CNTNAP2: variants seen among roughly 807,000 people sequenced by gnomAD.
CNTNAP2 encodes contactin associated protein 2.
A neutral mutation model predicts 155.2 loss-of-function variants in CNTNAP2; 98 were observed. The ratio of observed to expected loss-of-function variants is 0.63; its 90% CI spans 0.54 to 0.75. The LOEUF is 0.75. CNTNAP2 is among the 30% of genes least tolerant of loss of function. The probability of loss-of-function intolerance (pLI) is 0.00; values close to 1 mark genes in which losing one functional copy is unlikely to be tolerated. For synonymous variants in CNTNAP2, 651 were observed against 631.2 expected, an observed-to-expected ratio of 1.03 and a Z score of -0.47; for missense variants, 1,727 against 1,688.1, an observed-to-expected ratio of 1.02 and a Z score of -0.40.
At chr7:146,597,562 C>A (rs1291271058) in intron 1 of CNTNAP2, among the ~76,000 whole-genome samples, 3 of 151,980 alleles carry the variant, frequency 2.0e-5, no homozygotes, top group African/African-American at 7.2e-5. Context: ...ACATAATACT[C>A]ATGCACTGTT....
intron 3 of CNTNAP2, among the ~76,000 whole-genome samples, chr7:146,936,334 A>G (rs1211024688): frequency 6.6e-6 from 1 of 152,162 alleles, no homozygotes; most frequent in Non-Finnish European, 1.5e-5. Flanking sequence ...CCTAGAACAG[A>G]CGAGGTTTTG....
Position 147,311,859 on chromosome 7 carries a change from T to C in CNTNAP2, c.1498+11569T>C, listed in dbSNP as rs534229718. Among the ~76,000 whole-genome samples, 3 of 152,262 alleles carry C rather than the reference T, an allele frequency of 2.0e-5. No homozygotes were observed. In the South Asian group the frequency reaches 6.2e-4, roughly 32 times the overall value. ...CTTATATGTACAGAAACAAACAGAA[T>C]GGGATCCCGTGCCTATAACTGTGAT... is the stretch of plus-strand genomic sequence containing the variant. On this transcript the variant is annotated intron_variant, in intron 9 of 23. Transcript: ENST00000361727.
At chr7:148,240,809 A>C (rs957152738) in intron 20 of CNTNAP2, among the ~76,000 whole-genome samples, 1 of 150,670 alleles carries the variant, frequency 6.6e-6, no homozygotes, top group African/African-American at 2.4e-5. Context: ...AGAGTACCAA[A>C]GCTGACGAAT....
At chr7:146,974,410 C>G (rs933500370) in intron 3 of CNTNAP2, among the ~76,000 whole-genome samples, 1 of 151,180 alleles carries the variant, frequency 6.6e-6, no homozygotes, top group Non-Finnish European at 1.5e-5. Context: ...TGCACTCCAG[C>G]CTGGGCGACA....
At chr7:148,027,945 T>C (rs1469647662) in intron 15 of CNTNAP2, among the ~76,000 whole-genome samples, 3 of 152,150 alleles carry the variant, frequency 2.0e-5, no homozygotes, top group Admixed American at 2.0e-4. Flanking sequence ...TCACCTTCCA[T>C]TCTCTCCCAA....
chr7:148,353,982 T>A (rs1237378911), intron 21 of CNTNAP2, among the ~76,000 whole-genome samples: 1 of 152,198 alleles, frequency 6.6e-6, no homozygotes, highest in African/African-American at 2.4e-5. Context: ...CATCGAACGT[T>A]TCCTATACTG....
intron 9 of CNTNAP2, among the ~76,000 whole-genome samples, chr7:147,307,265 G>C (rs1795047338): frequency 6.6e-6 from 1 of 152,206 alleles, no homozygotes; most frequent in Admixed American, 6.5e-5. Flanking sequence ...CAAGTCAGCT[G>C]TCTTATATCT....
At chr7:148,269,180 C>T (rs1796729788) in intron 21 of CNTNAP2, among the ~76,000 whole-genome samples, 1 of 152,100 alleles carries the variant, frequency 6.6e-6, no homozygotes, top group African/African-American at 2.4e-5. Context: ...TGGGGAGTGG[C>T]AAGTGATAAA....
intron 17 of CNTNAP2, among the ~76,000 whole-genome samples, chr7:148,157,814 C>T (rs1249045267): frequency 6.6e-6 from 1 of 152,040 alleles, no homozygotes; most frequent in Non-Finnish European, 1.5e-5. Flanking sequence ...AAACCATTGC[C>T]ATACATTAAA....
At chr7:148,073,908 G>C (rs962067389) in intron 15 of CNTNAP2, among the ~76,000 whole-genome samples, 7 of 152,024 alleles carry the variant, frequency 4.6e-5, no homozygotes, top group African/African-American at 1.7e-4. Context: ...CATCTGGGAG[G>C]GTTCTGGATG....
At chr7:147,335,309 G>T (rs1449759974) in intron 9 of CNTNAP2, among the ~76,000 whole-genome samples, 3 of 152,018 alleles carry the variant, frequency 2.0e-5, no homozygotes. Context: ...AACTTTATTT[G>T]GTTTCTGTTT....
At chr7:146,515,294 A>G (rs1584959188) in intron 1 of CNTNAP2, among the ~76,000 whole-genome samples, 1 of 152,076 alleles carries the variant, frequency 6.6e-6, no homozygotes, top group Non-Finnish European at 1.5e-5. Context: ...ATCCAAGATA[A>G]TAGAGAAGCT....
chr7:148,007,111 T>C (rs1801996516), intron 15 of CNTNAP2, among the ~76,000 whole-genome samples: 1 of 152,254 alleles, frequency 6.6e-6, no homozygotes, highest in South Asian at 2.1e-4. Context: ...CCACATGCAG[T>C]ACATGTGCTT....
At chr7:147,380,668 T>C (rs548961127) in intron 9 of CNTNAP2, among the ~76,000 whole-genome samples, 1 of 152,248 alleles carries the variant, frequency 6.6e-6, no homozygotes, top group South Asian at 2.1e-4. Flanking sequence ...ACTCCTGAGA[T>C]AGAGCCTCAC....
chr7:146,207,633 C>CCA (rs1312602220), intron 1 of CNTNAP2, among the ~76,000 whole-genome samples: 19 of 118,998 alleles, frequency 1.6e-4, no homozygotes, highest in African/African-American at 2.5e-4. Flanking sequence ...CAGAACAGGA[C>CCA]TGTGTTTTTT....
At chr7:146,289,218 C>T (rs1800390017) in intron 1 of CNTNAP2, among the ~76,000 whole-genome samples, 1 of 152,110 alleles carries the variant, frequency 6.6e-6, no homozygotes. Context: ...TAGTTTCTCT[C>T]CTCTCCTTAC....
chr7:147,438,063 A>G (rs2116541936), intron 10 of CNTNAP2, among the ~76,000 whole-genome samples: 1 of 152,248 alleles, frequency 6.6e-6, no homozygotes, highest in East Asian at 1.9e-4. Context: ...GAAAACAAGG[A>G]TAATTTGACT....
chr7:147,303,157 G>A (rs1349420063), intron 9 of CNTNAP2, among the ~76,000 whole-genome samples: 1 of 152,192 alleles, frequency 6.6e-6, no homozygotes, highest in East Asian at 1.9e-4. Context: ...ACAAGGCTGG[G>A]TGTGTCTCTA....
At chr7:146,864,951 T>A (rs943448748) in intron 3 of CNTNAP2, among the ~76,000 whole-genome samples, 1 of 136,452 alleles carries the variant, frequency 7.3e-6, no homozygotes, top group African/African-American at 2.9e-5. Flanking sequence ...TGAGGTATGA[T>A]CTTACCACCA....
Sources: gnomAD v4.1 joint callset for allele counts (sites outside exome capture counted in the v4.1 genomes callset) on GRCh38, gnomAD v4.1.1 for gene constraint, MANE v1.5 for transcripts, NCBI Gene and HGNC (gene_info 2026-07-23, HGNC 2026-07-21) for gene names.